WDFY4: variants seen among roughly 807,000 people sequenced by gnomAD.
The protein encoded by WDFY4 is WD repeat- and FYVE domain-containing protein 4.
In WDFY4, 169 loss-of-function variants were observed where a neutral mutation model predicts 351.9. That is an observed-to-expected ratio of 0.48 (90% CI 0.42 to 0.55). The LOEUF (loss-of-function observed/expected upper bound fraction) is 0.55, where lower values mean the gene tolerates loss of function less well. Among genes scored for constraint, WDFY4 ranks in the 20% least tolerant of loss-of-function variants. The probability of loss-of-function intolerance (pLI) is 0.00; values close to 1 mark genes in which losing one functional copy is unlikely to be tolerated. For synonymous variants in WDFY4, 1,622 were observed against 1,574.6 expected, an observed-to-expected ratio of 1.03 and a Z score of -0.71; for missense variants, 3,803 against 3,935.6, an observed-to-expected ratio of 0.97 and a Z score of 0.90.
At chr10:48,837,786 C>T (rs2199847) in intron 39 of WDFY4, among the ~76,000 whole-genome samples, 358 of 152,254 alleles carry the variant, frequency 2.4e-3, no homozygotes, top group African/African-American at 8.3e-3. Context: ...GGGCAGCCCC[C>T]GACCTGTGTA....
At chr10:48,819,841 G>A (rs1028459935) in intron 32 of WDFY4, among the ~76,000 whole-genome samples, 2 of 152,126 alleles carry the variant, frequency 1.3e-5, no homozygotes, top group Admixed American at 6.6e-5. Flanking sequence ...CAGGGGCTGG[G>A]CATTGCCACG....
intron 24 of WDFY4, among the ~76,000 whole-genome samples, chr10:48,801,026 C>T (rs572322877): frequency 6.1e-4 from 93 of 152,264 alleles, no homozygotes; most frequent in African/African-American, 2.1e-3. Flanking sequence ...AGCCACCATA[C>T]CCAGCCTCTG....
chr10:48,901,835 G>A lies in WDFY4; in HGVS notation c.7558G>A (p.Ala2520Thr). The A allele has an allele frequency of 1.9e-6, 3 of 1,551,594 alleles. No individual in the cohort carries two copies. The highest frequency in any genetic ancestry group is 2.4e-5 in the East Asian group (1 of 40,920). The change falls in exon 47 of 62, where the codon GCC (alanine) becomes ACC (threonine). Residue 2520 changes from alanine (A) to threonine (T), a missense_variant. Coordinates refer to ENST00000325239, the MANE Select transcript of WDFY4 (RefSeq NM_001394531.1). ...CSFQPSLKGK[A>T]TSEDTLSLRR... ...TTTCCAACCCAGCCTGAAGGGGAAA[G>A]CCACCTCGGAGGACACCCTCAGTCT...
chr10:48,756,373 C>A (rs905943996), intron 12 of WDFY4, among the ~76,000 whole-genome samples: 3 of 149,998 alleles, frequency 2.0e-5, no homozygotes, highest in Non-Finnish European at 3.0e-5. Context: ...TATTCTGAGA[C>A]TGCTAAATTT....
chr10:48,756,209 C>G (rs2065331480), intron 12 of WDFY4, among the ~76,000 whole-genome samples: 1 of 151,958 alleles, frequency 6.6e-6, no homozygotes, highest in Admixed American at 6.6e-5. Flanking sequence ...TCATCAAAGT[C>G]TGTCATATTC....
At chr10:48,778,929 AC>A (rs1451645275) in intron 18 of WDFY4, 97 bp downstream of exon 18, 8 of 1,330,096 alleles carry the variant, frequency 6.0e-6, no homozygotes, top group Non-Finnish European at 8.2e-6. Context: ...AAACCTGGTG[AC>A]CTTCTGTTTC....
intron 28 of WDFY4, among the ~76,000 whole-genome samples, chr10:48,808,602 T>G (rs896764378): frequency 7.2e-5 from 11 of 152,348 alleles, no homozygotes; most frequent in African/African-American, 2.6e-4. Context: ...GGATCCTTGC[T>G]CAACCTGTAT....
At chr10:48,965,970 T>C (rs565961887) in intron 54 of WDFY4, among the ~76,000 whole-genome samples, 2 of 152,098 alleles carry the variant, frequency 1.3e-5, no homozygotes, top group Admixed American at 1.3e-4. Flanking sequence ...TTGCAGAAAA[T>C]TTGGCATTAG....
At chr10:48,961,188 G>C (rs1392938835) in intron 53 of WDFY4, among the ~76,000 whole-genome samples, 5 of 152,146 alleles carry the variant, frequency 3.3e-5, no homozygotes, top group Admixed American at 1.3e-4. Flanking sequence ...TTTTATTCTT[G>C]CCTCTGGAAA....
intron 47 of WDFY4, chr10:48,913,494 A>G (rs1488387361): frequency 1.9e-6 from 3 of 1,613,602 alleles, no homozygotes; most frequent in Non-Finnish European, 2.5e-6. Context: ...GATTCTATTC[A>G]GGTTGTCCCG....
chr10:48,898,317 C>T (rs1051285234), intron 45 of WDFY4, among the ~76,000 whole-genome samples: 2 of 152,098 alleles, frequency 1.3e-5, no homozygotes, highest in South Asian at 2.1e-4. Context: ...CACATGTTGC[C>T]TTCATTACCC....
At chr10:48,899,840 C>A (rs1382693740) in intron 45 of WDFY4, among the ~76,000 whole-genome samples, 1 of 152,202 alleles carries the variant, frequency 6.6e-6, no homozygotes, top group Non-Finnish European at 1.5e-5. Context: ...GCTGCACGCA[C>A]TGAACTAGAT....
chr10:48,895,160 C>T (rs1226334532), intron 44 of WDFY4, among the ~76,000 whole-genome samples: 1 of 152,214 alleles, frequency 6.6e-6, no homozygotes, highest in Non-Finnish European at 1.5e-5. Flanking sequence ...CTTGGGCAGG[C>T]TTCCCTGCTG....
At chr10:48,821,242 G>A (rs1589689188) in intron 34 of WDFY4, 66 bp downstream of exon 34, 2 of 1,312,854 alleles carry the variant, frequency 1.5e-6, no homozygotes, top group Non-Finnish European at 2.1e-6. Flanking sequence ...GAGGAAACCA[G>A]CATGCTGGCC....
intron 39 of WDFY4, among the ~76,000 whole-genome samples, chr10:48,844,971 C>G (rs2068727537): frequency 6.6e-6 from 1 of 152,224 alleles, no homozygotes; most frequent in Non-Finnish European, 1.5e-5. Flanking sequence ...TCCAAGAAAG[C>G]TTCTCCAAGG....
At chr10:48,958,878 C>A (rs1841728999) in intron 52 of WDFY4, among the ~76,000 whole-genome samples, 1 of 152,058 alleles carries the variant, frequency 6.6e-6, no homozygotes, top group African/African-American at 2.4e-5. Context: ...TGAGAAGGGC[C>A]AGGCCAGGCA....
intron 24 of WDFY4, among the ~76,000 whole-genome samples, chr10:48,801,733 A>G (rs1218224814): frequency 6.6e-6 from 1 of 152,048 alleles, no homozygotes; most frequent in Non-Finnish European, 1.5e-5. Flanking sequence ...ATGCATCTTT[A>G]CGAAAGATAG....
chr10:48,881,224 A>G (rs1447609928), intron 43 of WDFY4, among the ~76,000 whole-genome samples: 1 of 152,228 alleles, frequency 6.6e-6, no homozygotes, highest in African/African-American at 2.4e-5. Flanking sequence ...TCCCAGAAGT[A>G]AGAAGGGGCG....
intron 12 of WDFY4, among the ~76,000 whole-genome samples, chr10:48,753,047 A>AT (rs145692148): frequency 0.023 from 3,475 of 152,252 alleles, 139 homozygotes; most frequent in African/African-American, 0.079. Context: ...CCTTTAAAAA[A>AT]TTTTTTAGCC....
Sources: gnomAD v4.1 joint callset for allele counts (sites outside exome capture counted in the v4.1 genomes callset) on GRCh38, gnomAD v4.1.1 for gene constraint, MANE v1.5 for transcripts, NCBI Gene and HGNC (gene_info 2026-07-23, HGNC 2026-07-21) for gene names.